The following SEPTIN8 variants were observed in gnomAD, a reference collection of about 807,000 sequenced individuals.
The protein encoded by SEPTIN8 is septin-8.
Under a neutral mutation model 53.1 loss-of-function variants are expected in SEPTIN8, and 22 were observed. The ratio of observed to expected loss-of-function variants is 0.41; its 90% CI spans 0.30 to 0.59. The LOEUF (loss-of-function observed/expected upper bound fraction) is 0.59. SEPTIN8 is among the 20% of genes least tolerant of loss of function. The pLI is 0.24. For missense variants in SEPTIN8, 536 were observed against 638.7 expected, an observed-to-expected ratio of 0.84 and a Z score of 1.73; for synonymous variants, 228 against 248.4, an observed-to-expected ratio of 0.92 and a Z score of 0.77.
chr5:132,752,454 C>G (rs1221959988), intron 9 of SEPTIN8, among the ~76,000 whole-genome samples: 2 of 152,106 alleles, frequency 1.3e-5, no homozygotes. Context: ...AATGGGAGCC[C>G]TTGTAGCCAA....
intron 9 of SEPTIN8, chr5:132,755,961 T>C (rs2149952341): frequency 1.0e-6 from 1 of 985,036 alleles, no homozygotes; most frequent in African/African-American, 1.7e-5. Context: ...TCAGGAAACG[T>C]TAAATCAGAA....
intron 1 of SEPTIN8, among the ~76,000 whole-genome samples, chr5:132,767,648 C>A (rs1756738724): frequency 6.6e-6 from 1 of 152,132 alleles, no homozygotes; most frequent in Non-Finnish European, 1.5e-5. Context: ...TTACTGAACA[C>A]AGCCTCCAAC....
At position 132,750,829 on chromosome 5, in the gene SEPTIN8, C is replaced by T. The variant is rs1344167160; in HGVS notation, c.*1187G>A. On this transcript the variant is annotated 3_prime_UTR_variant, in exon 10 of 10. Transcript: ENST00000378719. Reference sequence around the variant, plus strand: ...AAAGCTACTATGACATGATGTAGGGCTTTGGCCTCTTTATTTTCTTTTTAC... The same window carrying T: ...AAAGCTACTATGACATGATGTAGGGTTTTGGCCTCTTTATTTTCTTTTTAC... 1.9e-6 allele frequency: 3 copies of T among 1,610,816 alleles called. No homozygotes were observed. Among genetic ancestry groups the T allele is most frequent in the Non-Finnish European group, 2.5e-6 (3 of 1,178,672 alleles).
chr5:132,774,590 G>T (rs987243855), intron 1 of SEPTIN8, among the ~76,000 whole-genome samples: 51 of 152,236 alleles, frequency 3.4e-4, no homozygotes, highest in Admixed American at 9.8e-4. Flanking sequence ...GCCCAGTCAG[G>T]ATGCCAAGGC....
upstream of SEPTIN8, chr5:132,778,240 C>G (rs897888769): frequency 2.4e-5 from 7 of 294,140 alleles, no homozygotes; most frequent in Non-Finnish European, 3.0e-5. Context: ...CCCTACCCCC[C>G]ACTGGCCTCA....
chr5:132,757,088 T>A, intron 9 of SEPTIN8: 2 of 985,392 alleles, frequency 2.0e-6, no homozygotes, highest in Non-Finnish European at 2.4e-6. Flanking sequence ...CAGTTTTCAA[T>A]TGCAACCAGA....
In SEPTIN8 at chr5:132,769,978, T is replaced by C. The variant is rs1341102873; in HGVS notation, c.31-4449A>G. Among the ~76,000 whole-genome samples the C allele has an allele frequency of 6.0e-5, 4 of 66,296 alleles. 1 individual carries two copies. Among genetic ancestry groups the C allele is most frequent in the African/African-American group, 1.7e-4 (3 of 17,864 alleles). 43.5% of individuals were successfully genotyped at this position (66,296 alleles called of 152,430 possible). On this transcript the variant is annotated intron_variant, in intron 1 of 9. Coordinates refer to ENST00000378719, the MANE Select transcript of SEPTIN8 (RefSeq NM_001098811.2). ...GAGAACCCAAAAATCTCTCTCTATA[T>C]ATACATATATATATATATATATATA...
rs6870719 is a variant in SEPTIN8 at position 132,765,561 on chromosome 5, C to T, written c.31-32G>A. 1.7e-3 allele frequency: 2,664 copies of T among 1,549,686 alleles called. 39 individuals are homozygous for T. The African/African-American group carries it at 0.03, about 18-fold the overall frequency. ...AGAGAGAAATAAAGCAAGACATGAGCCCACTGGGGAAGAAAGGTCAAGCTG... is the reference window on the plus strand; with the variant it reads ...AGAGAGAAATAAAGCAAGACATGAGTCCACTGGGGAAGAAAGGTCAAGCTG... On this transcript the variant is annotated intron_variant, in intron 1 of 9. Coordinates refer to ENST00000378719, the MANE Select transcript of SEPTIN8 (RefSeq NM_001098811.2).
At chr5:132,778,390 A>AG (rs1363608018), upstream of SEPTIN8, among the ~76,000 whole-genome samples, 1 of 152,178 alleles carries the variant, frequency 6.6e-6, no homozygotes, top group Non-Finnish European at 1.5e-5. Context: ...CTGGCTTAAG[A>AG]GGAGCCCCCT....
At chr5:132,763,420 C>T (rs1756200217) in intron 4 of SEPTIN8, among the ~76,000 whole-genome samples, 1 of 152,184 alleles carries the variant, frequency 6.6e-6, no homozygotes, top group Non-Finnish European at 1.5e-5. Context: ...GGAACAAACA[C>T]TATCGGGAGC....
At position 132,761,984 on chromosome 5, in the gene SEPTIN8, G is replaced by A; in HGVS notation, c.697-88C>T. ...TCCCTGCCCCTGGGTCCTAGGGAGG[G>A]GCAGCCAGACCTGAACAAAGGCTCC... is the stretch of plus-strand genomic sequence containing the variant. On this transcript the variant is annotated intron_variant, in intron 5 of 9. Coordinates refer to ENST00000378719, the MANE Select transcript of SEPTIN8 (RefSeq NM_001098811.2). This position sits in a 1 kb window ranked among gnomAD's most constrained non-coding sequence, Gnocchi z 5.8. 1 of 1,196,410 alleles carries A rather than the reference G, an allele frequency of 8.4e-7. No individual in the cohort carries two copies. Among genetic ancestry groups the A allele is most frequent in the Admixed American group, 2.3e-5 (1 of 44,154 alleles). 74.1% of individuals were successfully genotyped at this position (1,196,410 alleles called of 1,614,324 possible). A position where few individuals can be genotyped will look rare whatever the true frequency, so the allele number is the denominator to read the frequency against.
intron 9 of SEPTIN8, chr5:132,755,863 A>G (rs1381604587): frequency 1.5e-6 from 1 of 681,924 alleles, no homozygotes; most frequent in Non-Finnish European, 1.8e-6. Context: ...TTCCTATTAA[A>G]ACAATTCCTA....
chr5:132,774,765 C>T (rs1033749933), intron 1 of SEPTIN8, among the ~76,000 whole-genome samples: 2 of 152,208 alleles, frequency 1.3e-5, no homozygotes, highest in Non-Finnish European at 2.9e-5. Flanking sequence ...CAGTGTAGAC[C>T]TGTCATGGCT....
rs1757888250 is a variant in SEPTIN8 at position 132,777,178 on chromosome 5, G to A, written c.-41C>T. ...GGGCGGGTGGGCTGGGACGAGCGCA[G>A]GGGCAGCGACAGGGACCAGCCGGCT... is the stretch of plus-strand genomic sequence containing the variant. On this transcript the variant is annotated 5_prime_UTR_variant, in exon 1 of 10. Transcript: ENST00000378719. This position sits in a 1 kb window ranked among gnomAD's most constrained non-coding sequence, Gnocchi z 4.1. The A allele has an allele frequency of 3.4e-6, 4 of 1,165,734 alleles. No homozygotes were observed. Among genetic ancestry groups the A allele is most frequent in the Admixed American group, 4.7e-5 (1 of 21,406 alleles). The allele number at this position is 1,165,734 out of a possible 1,614,324, so 72.2% of individuals were successfully genotyped here.
rs767641992 is a variant in SEPTIN8 at position 132,761,844 on chromosome 5, T to C, written c.749A>G (p.Asn250Ser). The change falls in exon 6 of 10, where the codon AAC (asparagine) becomes AGC (serine). Residue 250 changes from asparagine (N) to serine (S), a missense_variant. Physicochemically the swap from Asn to Ser is conservative, Grantham distance 46. Around this residue, in one of 3 missense-constraint regions of SEPTIN8, gnomAD observed 395 missense variants for 451.8 expected, o/e 0.87. Coordinates refer to ENST00000378719, the MANE Select transcript of SEPTIN8 (RefSeq NM_001098811.2). The surrounding 1 kb of genome is among the most constrained non-coding windows in gnomAD (Gnocchi z 5.8). Reference protein sequence around the residue: ...VGSTEEVKVGNKLVRARQYPW... With the variant: ...VGSTEEVKVGSKLVRARQYPW... ...GTACTGCCGTGCTCGGACCAGCTTG[T>C]TCCCCACCTTCACCTCCTCGGTGCT... is the stretch of plus-strand genomic sequence containing the variant. 2 of 1,608,326 alleles carry C rather than the reference T, an allele frequency of 1.2e-6. No individual in the cohort carries two copies. Among genetic ancestry groups the C allele is most frequent in the Non-Finnish European group, 1.7e-6 (2 of 1,177,436 alleles).
In SEPTIN8 at chr5:132,762,520, A is replaced by G; in HGVS notation, c.660T>C (p.Asp220=). 1 of 1,614,198 alleles carries G rather than the reference A, an allele frequency of 6.2e-7. No individual in the cohort carries two copies. ...NGVQIYQFPT[D]DEAVAEINAV... The stretch of plus-strand genomic sequence containing the variant: ...CGTTAATCTCTGCAACAGCCTCATC[A>G]TCCGTGGGGAACTGGTAGATCTGGA... Residue 220 remains aspartate, a synonymous_variant, in exon 5 of 10, where the codon GAT becomes GAC. Transcript: ENST00000378719.
At position 132,751,970 on chromosome 5, in the gene SEPTIN8, A is replaced by C. The variant is rs200114738; in HGVS notation, c.*46T>G. The stretch of plus-strand genomic sequence containing the variant: ...ATTAAAAACCATGGTCTCCAGTTCC[A>C]TGCCCTGGTGGTCCTGAGCTGGCCC... On this transcript the variant is annotated 3_prime_UTR_variant, in exon 10 of 10. Transcript: ENST00000378719. 1.7e-5 allele frequency: 27 copies of C among 1,610,112 alleles called. No individual in the cohort carries two copies. The South Asian group carries it at 2.7e-4, about 16-fold the overall frequency.
At chr5:132,778,591 GTGGT>G (rs1757970436), upstream of SEPTIN8, among the ~76,000 whole-genome samples, 1 of 152,222 alleles carries the variant, frequency 6.6e-6, no homozygotes, top group African/African-American at 2.4e-5. Context: ...GAGCAGAGCA[GTGGT>G]TAGGGTAGCT....
chr5:132,760,741 G>A lies in SEPTIN8; in HGVS notation c.1286+61C>T, dbSNP rs916981411. ...GAGCGAGAAGGGAGGTGAGGGACAAGAACGAAAGCAAGAGCCCACAGGAGC... is the reference window on the plus strand; with the variant it reads ...GAGCGAGAAGGGAGGTGAGGGACAAAAACGAAAGCAAGAGCCCACAGGAGC... On this transcript the variant is annotated intron_variant, in intron 9 of 9. Transcript: ENST00000378719. The surrounding 1 kb of genome is among the most constrained non-coding windows in gnomAD (Gnocchi z 5.2). 1.3e-6 allele frequency: 2 copies of A among 1,506,494 alleles called. No individual in the cohort carries two copies. The highest frequency in any genetic ancestry group is 1.8e-6 in the Non-Finnish European group (2 of 1,104,656). 93.3% of individuals were successfully genotyped at this position (1,506,494 alleles called of 1,614,324 possible). A position where few individuals can be genotyped will look rare whatever the true frequency, so the allele number is the denominator to read the frequency against.
Sources: allele counts gnomAD v4.1 joint callset (sites outside exome capture counted in the v4.1 genomes callset), GRCh38; gene constraint gnomAD v4.1.1; regional missense constraint gnomAD v4.1.1; non-coding constraint Gnocchi (gnomAD v3.1); transcripts MANE v1.5; gene names NCBI Gene and HGNC (gene_info 2026-07-23, HGNC 2026-07-21).